Variants in PCM1 observed in about 807,000 individuals in gnomAD.
PCM1 encodes pericentriolar material 1 protein.
Under a neutral mutation model 241.9 loss-of-function variants are expected in PCM1, and 157 were observed. That is an observed-to-expected ratio of 0.65 (90% CI 0.57 to 0.74). The LOEUF is 0.74. PCM1 is among the 30% of genes least tolerant of loss of function. PCM1 has a pLI of 0.00. For synonymous variants in PCM1, 1,085 were observed against 784.9 expected, an observed-to-expected ratio of 1.38 and a Z score of -6.39; for missense variants, 3,478 against 2,360.1, an observed-to-expected ratio of 1.47 and a Z score of -9.81.
chr8:17,972,457 G>T lies in PCM1; in HGVS notation c.3713G>T (p.Ser1238Ile). The T allele has an allele frequency of 6.2e-7, 1 of 1,613,608 alleles. No individual in the cohort carries two copies. The highest frequency in any genetic ancestry group is 8.5e-7 in the Non-Finnish European group (1 of 1,179,716). ...GTGTCTGTAGAAAAATCTACAAGTA[G>T]TAACCGCAAAAATCAATTAGATACA... ...FSVSVEKSTS[S>I]NRKNQLDTNG... The change falls in exon 23 of 39, where the codon AGT (serine) becomes ATT (isoleucine). Residue 1238 changes from serine to isoleucine, a missense_variant. Coordinates refer to ENST00000325083, the MANE Select transcript of PCM1 (RefSeq NM_006197.4).
In PCM1 at chr8:18,009,717, T is replaced by C. The variant is rs754459699; in HGVS notation, c.5133T>C (p.Thr1711=). 5 of 1,498,282 alleles carry C rather than the reference T, an allele frequency of 3.3e-6. No homozygotes were observed. The Admixed American group carries it at 9.6e-5, about 29-fold the overall frequency. 92.8% of individuals were successfully genotyped at this position (1,498,282 alleles called of 1,614,324 possible). A position where few individuals can be genotyped will look rare whatever the true frequency, so the allele number is the denominator to read the frequency against. ...GATGCAAAAGGAAAATAGAAGCAAC[T>C]GGAGTGATACAATCTTGTGCCAAAG... ...KQRCKRKIEA[T]GVIQSCAKEA... The change falls in exon 31 of 39, where the codon ACT becomes ACC. Residue 1711 remains threonine (T), a synonymous_variant. Transcript: ENST00000325083.
chr8:17,923,795 C>T (rs573931221), intron 1 of PCM1, among the ~76,000 whole-genome samples: 1 of 152,130 alleles, frequency 6.6e-6, no homozygotes, highest in Admixed American at 6.5e-5. Context: ...TAATTATTGC[C>T]CCTTCTTTCT....
chr8:17,959,060 T>G (rs1192788456), intron 13 of PCM1, among the ~76,000 whole-genome samples: 2 of 152,126 alleles, frequency 1.3e-5, no homozygotes, highest in Non-Finnish European at 2.9e-5. Context: ...ATCCTATTCT[T>G]CTTCACTGAA....
chr8:17,961,591 G>T (rs1287321335), intron 15 of PCM1, among the ~76,000 whole-genome samples: 1 of 152,132 alleles, frequency 6.6e-6, no homozygotes, highest in Non-Finnish European at 1.5e-5. Context: ...GATTACAGGC[G>T]TGAGCCACCG....
rs776231528 is a variant in PCM1 at position 17,985,926 on chromosome 8, T to G, written c.4282-33T>G. On this transcript the variant is annotated intron_variant, in intron 25 of 38. Transcript: ENST00000325083. ...AAATGAATGATTAAGCATGTATGTT[T>G]TATATAAATGATGATCTTATTTTCT... The G allele has an allele frequency of 5.2e-6, 7 of 1,353,642 alleles. No individual in the cohort carries two copies. In the South Asian group the frequency reaches 8.6e-5, roughly 17 times the overall value. 83.9% of individuals were successfully genotyped at this position (1,353,642 alleles called of 1,614,324 possible).
At chr8:18,013,731 G>T (rs547510274) in intron 34 of PCM1, 16 of 418,856 alleles carry the variant, frequency 3.8e-5, no homozygotes, top group South Asian at 2.3e-4. Flanking sequence ...CAGTCTGTTC[G>T]TTCCAGTTGT....
At chr8:17,933,663 C>A (rs970565148) in intron 2 of PCM1, among the ~76,000 whole-genome samples, 1 of 152,098 alleles carries the variant, frequency 6.6e-6, no homozygotes, top group Admixed American at 6.5e-5. Context: ...ATATATTTGT[C>A]ACTATTATAA....
At chr8:18,021,053 C>G (rs114476634) in intron 36 of PCM1, among the ~76,000 whole-genome samples, 1 of 152,166 alleles carries the variant, frequency 6.6e-6, no homozygotes, top group Middle Eastern at 3.2e-3. Context: ...TTTGAATGAA[C>G]TCCACAGAAT....
chr8:17,932,963 A>G (rs1015409628), intron 2 of PCM1, among the ~76,000 whole-genome samples: 1 of 152,170 alleles, frequency 6.6e-6, no homozygotes, highest in African/African-American at 2.4e-5. Context: ...CTGGATATGT[A>G]CCATCCTTGG....
chr8:17,978,679 A>T (rs2079593239), intron 23 of PCM1, among the ~76,000 whole-genome samples: 1 of 152,206 alleles, frequency 6.6e-6, no homozygotes, highest in African/African-American at 2.4e-5. Context: ...GAGGAAAACT[A>T]AAGAAACAAC....
At chr8:17,965,974 C>G (rs1441564282) in intron 18 of PCM1, 25 bp from the exon 19 acceptor site, 2 of 1,562,368 alleles carry the variant, frequency 1.3e-6, no homozygotes, top group South Asian at 1.2e-5. Flanking sequence ...TGTATGATGA[C>G]TTAATGCTTT....
intron 2 of PCM1, among the ~76,000 whole-genome samples, chr8:17,932,890 C>T (rs1370338222): frequency 1.3e-5 from 2 of 152,052 alleles, no homozygotes; most frequent in Non-Finnish European, 2.9e-5. Flanking sequence ...AGCTCCAATA[C>T]CCTAAGGCAT....
chr8:17,951,590 T>C (rs913051210), intron 8 of PCM1, among the ~76,000 whole-genome samples: 2 of 152,184 alleles, frequency 1.3e-5, no homozygotes, highest in Admixed American at 1.3e-4. Context: ...AAATAAGCCA[T>C]TGCTAATGAA....
At chr8:17,970,451 G>C (rs758662921) in intron 22 of PCM1, among the ~76,000 whole-genome samples, 2 of 145,358 alleles carry the variant, frequency 1.4e-5, no homozygotes, top group African/African-American at 5.1e-5. Flanking sequence ...TTTTTTACTC[G>C]ATTAACCAAT....
chr8:17,953,645 C>A (rs2066904277), intron 9 of PCM1, among the ~76,000 whole-genome samples: 1 of 151,936 alleles, frequency 6.6e-6, no homozygotes, highest in Admixed American at 6.6e-5. Flanking sequence ...TCTAGAGAGC[C>A]CAGAACTTCC....
chr8:18,023,600 A>G (rs1564458935), intron 36 of PCM1, among the ~76,000 whole-genome samples: 1 of 152,230 alleles, frequency 6.6e-6, no homozygotes, highest in Non-Finnish European at 1.5e-5. Flanking sequence ...CCAAATTTAA[A>G]AGATCTTAAT....
In PCM1 at chr8:18,029,482, T is replaced by C. The variant is rs1457104499; in HGVS notation, c.*1820T>C. The C allele has an allele frequency of 9.3e-6, 2 of 216,188 alleles. No homozygotes were observed. Among genetic ancestry groups the C allele is most frequent in the Non-Finnish European group, 1.9e-5 (2 of 107,164 alleles). 13.4% of individuals were successfully genotyped at this position (216,188 alleles called of 1,614,324 possible). Reference sequence around the variant, plus strand: ...TTTGGTACTCAAGCCCAGCCTTACATACTGTGTTTCTCTCTCTGTCTGCAT... The same window carrying C: ...TTTGGTACTCAAGCCCAGCCTTACACACTGTGTTTCTCTCTCTGTCTGCAT... On this transcript the variant is annotated 3_prime_UTR_variant, in exon 39 of 39. Coordinates refer to ENST00000325083, the MANE Select transcript of PCM1 (RefSeq NM_006197.4).
chr8:17,987,099 G>A (rs1421756595), intron 26 of PCM1, among the ~76,000 whole-genome samples: 1 of 151,618 alleles, frequency 6.6e-6, no homozygotes, highest in Non-Finnish European at 1.5e-5. Context: ...GACTCCTTTA[G>A]TACTATAACA....
chr8:17,972,992 T>C (rs1389587493), intron 23 of PCM1, among the ~76,000 whole-genome samples: 4 of 152,192 alleles, frequency 2.6e-5, no homozygotes, highest in Non-Finnish European at 4.4e-5. Context: ...TTTTTTTCTT[T>C]TGCTATTGTA....
Sources: gnomAD v4.1 joint callset for allele counts (sites outside exome capture counted in the v4.1 genomes callset) on GRCh38, gnomAD v4.1.1 for gene constraint, MANE v1.5 for transcripts, NCBI Gene and HGNC (gene_info 2026-07-23, HGNC 2026-07-21) for gene names.